The following NDUFA9 variants were observed in gnomAD, a reference collection of about 807,000 sequenced individuals.
The protein encoded by NDUFA9 is NADH dehydrogenase [ubiquinone] 1 alpha subcomplex subunit 9, mitochondrial.
NDUFA9 carries 23 observed loss-of-function variants against 45.9 expected under a neutral mutation model. The observed-to-expected ratio is 0.50, with a 90% CI of 0.36 to 0.71. NDUFA9 has a LOEUF of 0.71. NDUFA9 is among the 30% of genes least tolerant of loss of function. NDUFA9 has a pLI of 0.00. For synonymous variants in NDUFA9, 176 were observed against 170.5 expected, an observed-to-expected ratio of 1.03 and a Z score of -0.25; for missense variants, 466 against 488.2, an observed-to-expected ratio of 0.95 and a Z score of 0.43.
At chr12:4,664,578 G>A (rs904342232) in intron 6 of NDUFA9, among the ~76,000 whole-genome samples, 2 of 152,240 alleles carry the variant, frequency 1.3e-5, no homozygotes, top group African/African-American at 2.4e-5. Flanking sequence ...ACCACCCAGA[G>A]TCTTGGAGGT....
At chr12:4,678,986 G>A (rs970212214) in intron 8 of NDUFA9, among the ~76,000 whole-genome samples, 5 of 152,218 alleles carry the variant, frequency 3.3e-5, no homozygotes, top group South Asian at 2.1e-4. Flanking sequence ...TCATAGCAGC[G>A]TTATCATAAA....
intron 8 of NDUFA9, among the ~76,000 whole-genome samples, chr12:4,670,196 C>T (rs1186324738): frequency 6.6e-6 from 1 of 152,130 alleles, no homozygotes; most frequent in Non-Finnish European, 1.5e-5. Context: ...CACAATGCCT[C>T]CAGAGGCTGA....
chr12:4,685,468 C>G, intron 10 of NDUFA9, 143 bp downstream of exon 10: 1 of 697,936 alleles, frequency 1.4e-6, no homozygotes, highest in South Asian at 1.9e-5. Context: ...AGCGCTGAAG[C>G]TCATCCACCT....
intron 8 of NDUFA9, among the ~76,000 whole-genome samples, chr12:4,679,189 A>G (rs1210625720): frequency 1.3e-5 from 2 of 152,224 alleles, no homozygotes. Flanking sequence ...GATTCCGTTT[A>G]TATGAAGTAT....
intron 5 of NDUFA9, among the ~76,000 whole-genome samples, 192 bp downstream of exon 5, chr12:4,659,369 A>T (rs972895773): frequency 6.6e-6 from 1 of 152,134 alleles, no homozygotes. Context: ...GTTTGCAGGG[A>T]ACTGTGCTAT....
chr12:4,662,653 A>G lies in NDUFA9; in HGVS notation c.655+18A>G. ...TTTTGCAAGTACGTATTCTTTCTTAATGGTAGAAGAGAGGGATACTGATTA... is the reference window on the plus strand; with the variant it reads ...TTTTGCAAGTACGTATTCTTTCTTAGTGGTAGAAGAGAGGGATACTGATTA... On this transcript the variant is annotated intron_variant, in intron 6 of 10. Coordinates refer to ENST00000266544, the MANE Select transcript of NDUFA9 (RefSeq NM_005002.5). The G allele has an allele frequency of 8.2e-6, 13 of 1,584,322 alleles. No individual in the cohort carries two copies. Among genetic ancestry groups the G allele is most frequent in the South Asian group, 1.1e-5 (1 of 90,386 alleles).
chr12:4,654,723 T>C (rs1456650168), intron 2 of NDUFA9, 102 bp from the exon 3 acceptor site: 1 of 1,044,360 alleles, frequency 9.6e-7, no homozygotes, highest in Non-Finnish European at 1.4e-6. Flanking sequence ...ATAATATCAA[T>C]TCACATACCA....
chr12:4,651,579 A>G (rs1181751673), intron 1 of NDUFA9, among the ~76,000 whole-genome samples: 1 of 152,152 alleles, frequency 6.6e-6, no homozygotes, highest in Non-Finnish European at 1.5e-5. Context: ...AATAAAAGCA[A>G]CTATTATTCA....
intron 8 of NDUFA9, among the ~76,000 whole-genome samples, chr12:4,675,340 G>A (rs1419449026): frequency 6.6e-6 from 1 of 152,122 alleles, no homozygotes; most frequent in Non-Finnish European, 1.5e-5. Flanking sequence ...AGGAGATAGA[G>A]ACAGGAAAAA....
chr12:4,694,247 C>G lies in NDUFA9; in HGVS notation c.*7139C>G, dbSNP rs533902543. 2.0e-5 allele frequency: 3 copies of G among 152,318 alleles called. No homozygotes were observed. The highest frequency in any genetic ancestry group is 1.9e-4 in the East Asian group (1 of 5,182). 9.4% of individuals were successfully genotyped at this position (152,318 alleles called of 1,614,324 possible). A position where few individuals can be genotyped will look rare whatever the true frequency, so the allele number is the denominator to read the frequency against. On this transcript the variant is annotated 3_prime_UTR_variant, in exon 11 of 11. Coordinates refer to ENST00000266544, the MANE Select transcript of NDUFA9 (RefSeq NM_005002.5). ...GCACATTTATTTCAGTAATTTTGAT[C>G]TTTGGATTCTCCTTGGACATTCCTC...
chr12:4,650,807 G>T (rs1398269220), intron 1 of NDUFA9, among the ~76,000 whole-genome samples: 1 of 152,152 alleles, frequency 6.6e-6, no homozygotes, highest in African/African-American at 2.4e-5. Flanking sequence ...AAAGACAAGT[G>T]GGTGAGAATG....
Position 4,649,178 on chromosome 12 carries a change from A to G in NDUFA9, c.49+3A>G. On this transcript the variant is annotated splice_donor_region_variant and intron_variant, in intron 1 of 10. Coordinates refer to ENST00000266544, the MANE Select transcript of NDUFA9 (RefSeq NM_005002.5). ...TGTCCGGGTCCTGTCAATGTCACGT[A>G]AGTGTTACCGGGAACGGCGGCCCCT... The G allele has an allele frequency of 4.4e-6, 7 of 1,603,546 alleles. No homozygotes were observed. The highest frequency in any genetic ancestry group is 6.0e-6 in the Non-Finnish European group (7 of 1,175,076).
At chr12:4,684,407 C>A (rs1945971644) in intron 9 of NDUFA9, among the ~76,000 whole-genome samples, 1 of 152,144 alleles carries the variant, frequency 6.6e-6, no homozygotes, top group South Asian at 2.1e-4. Context: ...GCATGTACTC[C>A]CAAACCCTTG....
rs1565574981 is a variant in NDUFA9, at chr12:4,690,782, TGA to T, written c.*3677_*3678del. 3.3e-5 allele frequency: 5 copies of T among 152,150 alleles called. No homozygotes were observed. Among genetic ancestry groups the T allele is most frequent in the African/African-American group, 1.2e-4 (5 of 41,418 alleles). The allele number at this position is 152,150 out of a possible 1,614,324, so 9.4% of individuals were successfully genotyped here. A position where few individuals can be genotyped will look rare whatever the true frequency, so the allele number is the denominator to read the frequency against. On this transcript the variant is annotated 3_prime_UTR_variant, in exon 11 of 11. Coordinates refer to ENST00000266544, the MANE Select transcript of NDUFA9 (RefSeq NM_005002.5). ...ATATGGGAATATATGCAAAGATCTCTGAGAAGATAAAGAAAGGTCTCTGGAAG... is the reference window on the plus strand; with the variant it reads ...ATATGGGAATATATGCAAAGATCTCTGAAGATAAAGAAAGGTCTCTGGAAG...
At chr12:4,652,510 C>G (rs1591541519) in intron 1 of NDUFA9, among the ~76,000 whole-genome samples, 2 of 152,218 alleles carry the variant, frequency 1.3e-5, no homozygotes, top group South Asian at 4.1e-4. Context: ...GCCACATCCT[C>G]CAGCTTCTGT....
chr12:4,675,594 C>T (rs189190999), intron 8 of NDUFA9, among the ~76,000 whole-genome samples: 83 of 152,228 alleles, frequency 5.5e-4, no homozygotes, highest in Non-Finnish European at 9.0e-4. Flanking sequence ...CATACCCCCT[C>T]CCAAGACTAA....
chr12:4,680,278 AT>A (rs2137484274), intron 8 of NDUFA9, among the ~76,000 whole-genome samples: 1 of 152,276 alleles, frequency 6.6e-6, no homozygotes, highest in African/African-American at 2.4e-5. Flanking sequence ...GTTCAATTGT[AT>A]TTCGTCTACA....
chr12:4,656,389 C>A (rs1388586131), intron 3 of NDUFA9, among the ~76,000 whole-genome samples: 3 of 152,188 alleles, frequency 2.0e-5, no homozygotes. Flanking sequence ...AACTTTTGAA[C>A]CATTGGAATT....
At chr12:4,662,436 G>A (rs1945828245) in intron 5 of NDUFA9, 97 bp from the exon 6 acceptor site, 3 of 872,426 alleles carry the variant, frequency 3.4e-6, no homozygotes, top group Non-Finnish European at 3.7e-6. Context: ...GGAAAATATC[G>A]CCTTTGAAAT....
Sources: allele counts gnomAD v4.1 joint callset (sites outside exome capture counted in the v4.1 genomes callset), GRCh38; gene constraint gnomAD v4.1.1; transcripts MANE v1.5; gene names NCBI Gene and HGNC (gene_info 2026-07-23, HGNC 2026-07-21).